The following ZNF536 variants were observed in gnomAD, a reference collection of about 807,000 sequenced individuals.
The protein encoded by ZNF536 is zinc finger protein 536.
In ZNF536, 13 loss-of-function variants were observed where a neutral mutation model predicts 84.5. The ratio of observed to expected loss-of-function variants is 0.15; its 90% CI spans 0.10 to 0.24. The LOEUF is 0.24. Ranked by LOEUF, ZNF536 falls within the 10% of genes least tolerant of loss-of-function variation. The pLI, the probability that ZNF536 is intolerant of heterozygous loss-of-function variation, is 1.00. For missense variants in ZNF536, 1,536 were observed against 1,747.5 expected, an observed-to-expected ratio of 0.88 and a Z score of 2.16; for synonymous variants, 811 against 742.5, an observed-to-expected ratio of 1.09 and a Z score of -1.50.
At chr19:30,689,446 T>A (rs943863582) in intron 1 of ZNF536, among the ~76,000 whole-genome samples, 1 of 152,248 alleles carries the variant, frequency 6.6e-6, no homozygotes, top group Non-Finnish European at 1.5e-5. Flanking sequence ...CAGGAAATGC[T>A]CATTGCTGCT....
intron 3 of ZNF536, among the ~76,000 whole-genome samples, chr19:30,362,959 T>C (rs1215742582): frequency 2.6e-5 from 4 of 151,952 alleles, no homozygotes; most frequent in Non-Finnish European, 4.4e-5. Context: ...CTTGGGAGGC[T>C]GAGGCCAGAG....
rs549078309 is a variant in ZNF536 at position 30,463,412 on chromosome 19, C to T, written c.2170+17680C>T. 3.9e-5 allele frequency among the ~76,000 whole-genome samples: 6 copies of T among 152,256 alleles called. No individual in the cohort carries two copies. In the East Asian group the frequency reaches 1.2e-3, roughly 29 times the overall value. On this transcript the variant is annotated intron_variant, in intron 2 of 4. Transcript: ENST00000355537. The stretch of plus-strand genomic sequence containing the variant: ...CTGCCTTCCAGTATGCAGCTGTGGC[C>T]TCTCCAGCCTCAAGCACCTCCTGGA...
At chr19:30,231,491 G>C (rs917085364) in intron 1 of ZNF536, among the ~76,000 whole-genome samples, 2 of 152,254 alleles carry the variant, frequency 1.3e-5, no homozygotes, top group African/African-American at 4.8e-5. Flanking sequence ...CCAGGGCAGG[G>C]TCTGGGCTGA....
chr19:30,255,009 G>A (rs999590558), intron 1 of ZNF536, among the ~76,000 whole-genome samples: 1 of 152,164 alleles, frequency 6.6e-6, no homozygotes, highest in Non-Finnish European at 1.5e-5. Context: ...GGTTAAATTC[G>A]TTGTCTTATG....
chr19:30,290,484 C>T (rs1029367247), intron 2 of ZNF536, among the ~76,000 whole-genome samples: 3 of 152,086 alleles, frequency 2.0e-5, no homozygotes, highest in African/African-American at 7.2e-5. Context: ...GTTGCCCAGG[C>T]TGCACTTGAA....
At chr19:30,388,045 AG>A (rs1274800347) in intron 1 of ZNF536, among the ~76,000 whole-genome samples, 1 of 152,104 alleles carries the variant, frequency 6.6e-6, no homozygotes, top group Non-Finnish European at 1.5e-5. Context: ...TGTGGCTCTC[AG>A]ATTTTGAGGT....
chr19:30,440,514 C>T (rs2051987376), intron 1 of ZNF536, among the ~76,000 whole-genome samples: 1 of 152,226 alleles, frequency 6.6e-6, no homozygotes, highest in Non-Finnish European at 1.5e-5. Flanking sequence ...CTAAGATAAG[C>T]CAGCTCTGCC....
chr19:30,497,684 G>C (rs1211663696), intron 2 of ZNF536, among the ~76,000 whole-genome samples: 2 of 152,148 alleles, frequency 1.3e-5, no homozygotes, highest in African/African-American at 4.8e-5. Flanking sequence ...CTTCGGAACT[G>C]TTGTACTTTA....
chr19:30,450,753 A>G (rs1305599980), intron 2 of ZNF536, among the ~76,000 whole-genome samples: 5 of 152,196 alleles, frequency 3.3e-5, no homozygotes, highest in Non-Finnish European at 5.9e-5. Flanking sequence ...TTATGAACAG[A>G]TCATAGTCTG....
At chr19:30,341,928 C>A (rs1568344966) in intron 2 of ZNF536, among the ~76,000 whole-genome samples, 1 of 152,138 alleles carries the variant, frequency 6.6e-6, no homozygotes, top group Admixed American at 6.5e-5. Context: ...TAAAAATAAA[C>A]CTCACTTTTA....
At position 30,445,862 on chromosome 19, in the gene ZNF536, A is replaced by G; in HGVS notation, c.2170+130A>G. On this transcript the variant is annotated intron_variant, in intron 2 of 4. Coordinates refer to ENST00000355537, the MANE Select transcript of ZNF536 (RefSeq NM_014717.3). This position sits in a 1 kb window ranked among gnomAD's most constrained non-coding sequence, Gnocchi z 4.5. ...TTGATTGAGGACAGGGGTGGGTTGG[A>G]CACTGGGCCATGCCTTTCTTTCCCC... is the stretch of plus-strand genomic sequence containing the variant. 2 of 1,268,200 alleles carry G rather than the reference A, an allele frequency of 1.6e-6. No homozygotes were observed. Among genetic ancestry groups the G allele is most frequent in the Non-Finnish European group, 2.1e-6 (2 of 950,020 alleles). 78.6% of individuals were successfully genotyped at this position (1,268,200 alleles called of 1,614,324 possible).
intron 1 of ZNF536, among the ~76,000 whole-genome samples, chr19:30,578,566 C>T (rs1388202573): frequency 6.6e-6 from 1 of 152,202 alleles, no homozygotes; most frequent in African/African-American, 2.4e-5. Context: ...TTGGGTTATA[C>T]GACATGAGGA....
At chr19:30,367,253 G>T (rs147169870) in intron 3 of ZNF536, among the ~76,000 whole-genome samples, 17 of 152,276 alleles carry the variant, frequency 1.1e-4, no homozygotes, top group African/African-American at 4.1e-4. Flanking sequence ...GGAGGGGAGC[G>T]TGCCGTGGTG....
upstream of ZNF536, among the ~76,000 whole-genome samples, chr19:30,227,495 C>G (rs562441072): frequency 7.2e-4 from 109 of 152,304 alleles, no homozygotes; most frequent in Non-Finnish European, 1.2e-3. Context: ...ATTGTTATGT[C>G]TAACGGGTGC....
At chr19:30,229,781 A>G (rs2022894301) in intron 1 of ZNF536, among the ~76,000 whole-genome samples, 2 of 152,162 alleles carry the variant, frequency 1.3e-5, no homozygotes, top group African/African-American at 4.8e-5. Context: ...CTGCTCCCTG[A>G]CAAATGCAGA....
intron 2 of ZNF536, among the ~76,000 whole-genome samples, chr19:30,454,518 G>C (rs1357150101): frequency 6.6e-6 from 1 of 152,192 alleles, no homozygotes; most frequent in Non-Finnish European, 1.5e-5. Context: ...TGCTAAATAT[G>C]TATATTTTTA....
At chr19:30,600,370 A>G (rs2047642286) in intron 1 of ZNF536, among the ~76,000 whole-genome samples, 1 of 152,184 alleles carries the variant, frequency 6.6e-6, no homozygotes, top group Non-Finnish European at 1.5e-5. Context: ...CTGAGATTAC[A>G]GGCGTGAGCC....
chr19:30,343,189 T>C (rs1600300438), intron 2 of ZNF536, among the ~76,000 whole-genome samples: 1 of 152,198 alleles, frequency 6.6e-6, no homozygotes. Flanking sequence ...GGCTTTCACA[T>C]GAATGTTTCT....
At chr19:30,503,666 T>C (rs2145367676) in intron 2 of ZNF536, among the ~76,000 whole-genome samples, 1 of 152,324 alleles carries the variant, frequency 6.6e-6, no homozygotes, top group East Asian at 1.9e-4. Context: ...TCAGCAGACA[T>C]GTGGCATCAC....
Sources: gnomAD v4.1 joint callset for allele counts (sites outside exome capture counted in the v4.1 genomes callset) on GRCh38, gnomAD v4.1.1 for gene constraint, Gnocchi (gnomAD v3.1) non-coding constraint, MANE v1.5 for transcripts, NCBI Gene and HGNC (gene_info 2026-07-23, HGNC 2026-07-21) for gene names.